PSMA5: variants seen among roughly 807,000 people sequenced by gnomAD.
PSMA5 encodes proteasome subunit alpha type-5.
In PSMA5, 3 loss-of-function variants were observed where a neutral mutation model predicts 34.5. That is an observed-to-expected ratio of 0.09 (90% CI 0.04 to 0.22). The LOEUF is 0.22. PSMA5 is among the 10% of genes least tolerant of loss of function. The pLI is 1.00. For missense variants in PSMA5, 120 were observed against 286.1 expected (o/e 0.42, Z 4.19); for synonymous variants, 88 against 95.8 (o/e 0.92, Z 0.47).
At chr1:109,413,011 A>T in intron 4 of PSMA5, 57 bp downstream of exon 4, 1 of 1,433,706 alleles carries the variant, frequency 7.0e-7, no homozygotes, top group Non-Finnish European at 9.8e-7. Context: ...GCAGCTAGAT[A>T]ATCACTAAAC....
At chr1:109,419,227 C>T (rs959883767) in intron 2 of PSMA5, among the ~76,000 whole-genome samples, 1 of 151,996 alleles carries the variant, frequency 6.6e-6, no homozygotes, top group Non-Finnish European at 1.5e-5. Flanking sequence ...GCAAATAAAT[C>T]AAAAAAGATG....
intron 1 of PSMA5, among the ~76,000 whole-genome samples, chr1:109,423,071 G>A (rs987743116): frequency 1.3e-5 from 2 of 152,248 alleles, no homozygotes; most frequent in African/African-American, 2.4e-5. Flanking sequence ...CAAAAAATAT[G>A]TGAACAAATG....
At chr1:109,403,766 G>A (rs1410503416) in intron 8 of PSMA5, among the ~76,000 whole-genome samples, 1 of 152,042 alleles carries the variant, frequency 6.6e-6, no homozygotes, top group Non-Finnish European at 1.5e-5. Context: ...ATGATGTTTA[G>A]TATCCTCTGC....
Position 109,426,319 on chromosome 1 carries a change from G to T in PSMA5, c.12C>A (p.Thr4=). 6.2e-7 allele frequency: 1 copy of T among 1,614,140 alleles called. No individual in the cohort carries two copies. Among genetic ancestry groups the T allele is most frequent in the Non-Finnish European group, 8.5e-7 (1 of 1,180,006 alleles). Reference sequence around the variant, plus strand: ...GCACGGACCTGTCGTACTCAGACCGGGTAAGAAACATGGCGAGGGTAGGAG... The same window carrying T: ...GCACGGACCTGTCGTACTCAGACCGTGTAAGAAACATGGCGAGGGTAGGAG... MFL[T]RSEYDRGVNT... The change falls in exon 1 of 9, where the codon ACC becomes ACA. Residue 4 remains threonine, a synonymous_variant. Coordinates refer to ENST00000271308, the MANE Select transcript of PSMA5 (RefSeq NM_002790.4).
chr1:109,420,611 C>T (rs1329434237), intron 2 of PSMA5, among the ~76,000 whole-genome samples: 1 of 152,174 alleles, frequency 6.6e-6, no homozygotes, highest in Admixed American at 6.5e-5. Context: ...TGCCAGAAAA[C>T]TTAATTTAGC....
At chr1:109,409,155 A>T (rs927628886) in intron 8 of PSMA5, among the ~76,000 whole-genome samples, 2 of 151,768 alleles carry the variant, frequency 1.3e-5, no homozygotes, top group East Asian at 1.9e-4. Flanking sequence ...TCTCCCTTTC[A>T]TTCTTTTTAT....
rs1653424020 is a variant in PSMA5, at chr1:109,399,744, G to C, written c.*2269C>G. ...TATGGCACTGAGAAAATGTTTGAGT[G>C]AATATATTTATTATTTCACTTTTTA... is the stretch of plus-strand genomic sequence containing the variant. On this transcript the variant is annotated 3_prime_UTR_variant, in exon 9 of 9. Coordinates refer to ENST00000271308, the MANE Select transcript of PSMA5 (RefSeq NM_002790.4). 6.6e-6 allele frequency: 1 copy of C among 152,124 alleles called. No individual in the cohort carries two copies. The highest frequency in any genetic ancestry group is 1.5e-5 in the Non-Finnish European group (1 of 68,028). The allele number at this position is 152,124 out of a possible 1,614,324, so 9.4% of individuals were successfully genotyped here. A position where few individuals can be genotyped will look rare whatever the true frequency, so the allele number is the denominator to read the frequency against.
At chr1:109,412,803 C>A (rs536742915) in intron 4 of PSMA5, 33 of 329,056 alleles carry the variant, frequency 1.0e-4, no homozygotes, top group African/African-American at 6.7e-4. Context: ...AATTAGGAAA[C>A]AATGCATGCT....
At chr1:109,403,492 G>A (rs1034213794) in intron 8 of PSMA5, among the ~76,000 whole-genome samples, 1 of 151,762 alleles carries the variant, frequency 6.6e-6, no homozygotes, top group Non-Finnish European at 1.5e-5. Flanking sequence ...ACTAGCAGGG[G>A]GTGTAGCAAA....
chr1:109,418,816 C>A (rs187772890), intron 2 of PSMA5, among the ~76,000 whole-genome samples: 1 of 152,028 alleles, frequency 6.6e-6, no homozygotes, highest in Admixed American at 6.6e-5. Flanking sequence ...AAAACAAGAA[C>A]GGGATGCTAA....
intron 7 of PSMA5, among the ~76,000 whole-genome samples, 165 bp downstream of exon 7, chr1:109,410,846 T>C (rs1653958384): frequency 6.6e-6 from 1 of 151,994 alleles, no homozygotes; most frequent in African/African-American, 2.4e-5. Flanking sequence ...GGGAAAGAGA[T>C]TGACTGGAAT....
At chr1:109,407,376 G>A (rs1011339009) in intron 8 of PSMA5, among the ~76,000 whole-genome samples, 1 of 152,104 alleles carries the variant, frequency 6.6e-6, no homozygotes, top group African/African-American at 2.4e-5. Flanking sequence ...TAAAGCAGAT[G>A]GGCTCTAGCG....
chr1:109,405,710 G>C (rs1653730520), intron 8 of PSMA5, among the ~76,000 whole-genome samples: 1 of 152,140 alleles, frequency 6.6e-6, no homozygotes, highest in South Asian at 2.1e-4. Flanking sequence ...AAAGTGCTGG[G>C]ATTACAGGTG....
At chr1:109,424,303 T>C (rs1332942379) in intron 1 of PSMA5, among the ~76,000 whole-genome samples, 4 of 152,272 alleles carry the variant, frequency 2.6e-5, no homozygotes, top group East Asian at 1.9e-4. Flanking sequence ...CAATTCTTTT[T>C]TTTTTTTGGA....
At chr1:109,412,939 A>G in intron 4 of PSMA5, 129 bp downstream of exon 4, 1 of 732,608 alleles carries the variant, frequency 1.4e-6, no homozygotes, top group South Asian at 1.9e-5. Context: ...TGGGAATTCT[A>G]CCCAAAATTA....
At chr1:109,412,360 T>G in intron 4 of PSMA5, 176 bp from the exon 5 acceptor site, 2 of 571,888 alleles carry the variant, frequency 3.5e-6, no homozygotes, top group South Asian at 4.4e-5. Flanking sequence ...GAAATAGCTC[T>G]GGAAATAAAC....
At chr1:109,416,150 G>A (rs1654190171) in intron 2 of PSMA5, among the ~76,000 whole-genome samples, 1 of 152,090 alleles carries the variant, frequency 6.6e-6, no homozygotes. Flanking sequence ...CATATTCCAT[G>A]CCTAGATACT....
intron 1 of PSMA5, chr1:109,426,096 G>A (rs917049338): frequency 1.6e-6 from 1 of 644,652 alleles, no homozygotes; most frequent in Non-Finnish European, 2.7e-6. Context: ...TAGGACCCAG[G>A]GGTGACTCAG....
At chr1:109,403,435 A>C (rs1653614671) in intron 8 of PSMA5, among the ~76,000 whole-genome samples, 1 of 151,658 alleles carries the variant, frequency 6.6e-6, no homozygotes, top group South Asian at 2.1e-4. Flanking sequence ...ACCAGCCTGG[A>C]CAACACAGGG....
Sources: gnomAD v4.1 joint callset for allele counts (sites outside exome capture counted in the v4.1 genomes callset) on GRCh38, gnomAD v4.1.1 for gene constraint, MANE v1.5 for transcripts, NCBI Gene and HGNC (gene_info 2026-07-23, HGNC 2026-07-21) for gene names.